Variants in GNAI1 observed in about 807,000 individuals in gnomAD.
GNAI1 encodes G protein subunit alpha i1, also known as guanine nucleotide-binding protein G(i) subunit alpha-1.
In GNAI1, 11 loss-of-function variants were observed where a neutral mutation model predicts 38.9. The observed-to-expected ratio is 0.28, with a 90% CI of 0.18 to 0.47. The LOEUF (loss-of-function observed/expected upper bound fraction) is 0.47. Among genes scored for constraint, GNAI1 ranks in the 20% least tolerant of loss-of-function variants. GNAI1 has a pLI of 0.99. For synonymous variants in GNAI1, 166 were observed against 145.1 expected, an observed-to-expected ratio of 1.14 and a Z score of -1.04; for missense variants, 317 against 436.9, an observed-to-expected ratio of 0.73 and a Z score of 2.45.
Position 80,199,244 on chromosome 7 carries a change from T to C in GNAI1, c.323T>C (p.Phe108Ser). 3 of 1,611,936 alleles carry C rather than the reference T, an allele frequency of 1.9e-6. No homozygotes were observed. The highest frequency in any genetic ancestry group is 2.5e-6 in the Non-Finnish European group (3 of 1,178,884). The stretch of plus-strand genomic sequence containing the variant: ...GTTCAGGATGATGCACGCCAACTCT[T>C]TGTGCTAGCTGGAGCTGCTGAAGAA... ...SARADDARQL[F>S]VLAGAAEEGF... The change falls in exon 4 of 8, where the codon TTT (phenylalanine) becomes TCT (serine). Residue 108 changes from phenylalanine (F) to serine (S), a missense_variant. Coordinates refer to ENST00000649796, the MANE Select transcript of GNAI1 (RefSeq NM_002069.6).
rs2115651349 is a variant in GNAI1, at chr7:80,194,161, T to A, written c.303+4930T>A. Among the ~76,000 whole-genome samples the A allele has an allele frequency of 2.0e-5, 3 of 152,194 alleles. No individual in the cohort carries two copies. In the South Asian group the frequency reaches 6.2e-4, roughly 32 times the overall value. The stretch of plus-strand genomic sequence containing the variant: ...ACTCTGGGCAGCCAAAATTTAGGAG[T>A]CTTGTATTTAAAAAATCTTTGCTAA... On this transcript the variant is annotated intron_variant, in intron 3 of 7. Coordinates refer to ENST00000649796, the MANE Select transcript of GNAI1 (RefSeq NM_002069.6).
At chr7:80,176,716 C>G (rs2115583769) in intron 1 of GNAI1, among the ~76,000 whole-genome samples, 1 of 152,072 alleles carries the variant, frequency 6.6e-6, no homozygotes, top group East Asian at 2.0e-4. Flanking sequence ...GCGGGCAGAT[C>G]ACCTGAGGTC....
rs57485323 is a variant in GNAI1, at chr7:80,219,027, T to TTGTGTGTGTGTGTGTGTGTGTGTGTGTG, written c.*1540_*1567dup. 2.1e-5 allele frequency: 3 copies of TTGTGTGTGTGTGTGTGTGTGTGTGTGTG among 145,836 alleles called. No homozygotes were observed. The highest frequency in any genetic ancestry group is 2.2e-4 in the South Asian group (1 of 4,478). 9.0% of individuals were successfully genotyped at this position (145,836 alleles called of 1,614,324 possible). ...GTGTTGTCACTGGGTTGAAGTATATTTGTGTGTGTGTGTGTGTGTGTGTGT... is the reference window on the plus strand; with the variant it reads ...GTGTTGTCACTGGGTTGAAGTATATTTGTGTGTGTGTGTGTGTGTGTGTGTGTGTGTGTGTGTGTGTGTGTGTGTGTGT... On this transcript the variant is annotated 3_prime_UTR_variant, in exon 8 of 8. Coordinates refer to ENST00000649796, the MANE Select transcript of GNAI1 (RefSeq NM_002069.6).
At chr7:80,167,643 A>G (rs1302725581) in intron 1 of GNAI1, among the ~76,000 whole-genome samples, 1 of 152,176 alleles carries the variant, frequency 6.6e-6, no homozygotes, top group Non-Finnish European at 1.5e-5. Context: ...CTCAGCCACA[A>G]CTGTGTCTTT....
intron 4 of GNAI1, 93 bp from the exon 5 acceptor site, chr7:80,203,611 C>T (rs764175799): frequency 1.4e-5 from 10 of 722,942 alleles, no homozygotes; most frequent in African/African-American, 1.9e-5. Context: ...TTCAGATTAT[C>T]GCTTGTATTG....
chr7:80,204,388 G>A (rs563271871), intron 5 of GNAI1, among the ~76,000 whole-genome samples: 6 of 152,162 alleles, frequency 3.9e-5, no homozygotes, highest in Admixed American at 6.5e-5. Flanking sequence ...GCACCGAATC[G>A]TAGTCTTTAG....
chr7:80,149,628 C>G (rs942076359), intron 1 of GNAI1, among the ~76,000 whole-genome samples: 1 of 152,034 alleles, frequency 6.6e-6, no homozygotes, highest in East Asian at 1.9e-4. Flanking sequence ...TTAATGTGCT[C>G]CATTTTGAGA....
intron 4 of GNAI1, among the ~76,000 whole-genome samples, chr7:80,200,206 C>A (rs1003709513): frequency 6.7e-6 from 1 of 150,064 alleles, no homozygotes; most frequent in African/African-American, 2.5e-5. Flanking sequence ...CACGTGTGGT[C>A]CCAGTTACTC....
chr7:80,219,109 T>C lies in GNAI1; in HGVS notation c.*1616T>C, dbSNP rs531078010. On this transcript the variant is annotated 3_prime_UTR_variant, in exon 8 of 8. Coordinates refer to ENST00000649796, the MANE Select transcript of GNAI1 (RefSeq NM_002069.6). ...GTTTCATTTGGAGGATTTTCTTCTT[T>C]GTAATGTAAAGAAATTCAAAGTTAT... 6.6e-6 allele frequency: 1 copy of C among 152,528 alleles called. No homozygotes were observed. The highest frequency in any genetic ancestry group is 2.4e-5 in the African/African-American group (1 of 41,520). The allele number at this position is 152,528 out of a possible 1,614,324, so 9.4% of individuals were successfully genotyped here.
chr7:80,197,068 C>T (rs1788590315), intron 3 of GNAI1, among the ~76,000 whole-genome samples: 1 of 151,562 alleles, frequency 6.6e-6, no homozygotes, highest in Non-Finnish European at 1.5e-5. Flanking sequence ...TTCAATATGT[C>T]TCTCTATTTT....
rs1011689268 is a variant in GNAI1, at chr7:80,222,127, C to T, written c.*4634C>T. 2.9e-4 allele frequency among the ~76,000 whole-genome samples: 43 copies of T among 150,412 alleles called. No individual in the cohort carries two copies. Among genetic ancestry groups the T allele is most frequent in the African/African-American group, 1.0e-3 (43 of 41,222 alleles). Reference sequence around the variant, plus strand: ...GATTTTGTAGTTACTTTAAAAGTTACGAAATTTCACATTTCATCAAGTCCA... The same window carrying T: ...GATTTTGTAGTTACTTTAAAAGTTATGAAATTTCACATTTCATCAAGTCCA... On this transcript the variant is annotated 3_prime_UTR_variant, in exon 8 of 8. Transcript: ENST00000649796.
chr7:80,192,901 G>T (rs1788507230), intron 3 of GNAI1, among the ~76,000 whole-genome samples: 1 of 151,932 alleles, frequency 6.6e-6, no homozygotes, highest in Non-Finnish European at 1.5e-5. Flanking sequence ...GTTTCACCTT[G>T]TTGGCCAGGC....
chr7:80,141,251 C>G (rs541127785), intron 1 of GNAI1, among the ~76,000 whole-genome samples: 11 of 152,190 alleles, frequency 7.2e-5, no homozygotes, highest in Non-Finnish European at 1.6e-4. Context: ...TGCATTCACC[C>G]TCTCCCAACA....
In GNAI1 at chr7:80,189,176, C is replaced by G; in HGVS notation, c.248C>G (p.Ala83Gly). The G allele has an allele frequency of 1.2e-6, 2 of 1,606,438 alleles. No homozygotes were observed. Among genetic ancestry groups the G allele is most frequent in the Non-Finnish European group, 1.7e-6 (2 of 1,177,514 alleles). The change falls in exon 3 of 8, where the codon GCT becomes GGT. Residue 83 changes from alanine to glycine, a missense_variant. Transcript: ENST00000649796. ...VYSNTIQSII[A>G]IIRAMGRLKI... ...AGTAACACCATCCAGTCAATTATTG[C>G]TATCATTAGGGCTATGGGGAGGTTG... is the stretch of plus-strand genomic sequence containing the variant.
At chr7:80,174,006 G>A (rs555258967) in intron 1 of GNAI1, among the ~76,000 whole-genome samples, 2 of 152,246 alleles carry the variant, frequency 1.3e-5, no homozygotes, top group East Asian at 1.9e-4. Context: ...GGGAGAAAAT[G>A]TGGGGAAGGA....
chr7:80,138,019 C>T (rs1422779831), intron 1 of GNAI1, among the ~76,000 whole-genome samples: 1 of 152,128 alleles, frequency 6.6e-6, no homozygotes, highest in African/African-American at 2.4e-5. Flanking sequence ...CCATGTAAAA[C>T]ACGGCAGTAG....
intron 1 of GNAI1, among the ~76,000 whole-genome samples, chr7:80,151,324 A>T (rs1315396222): frequency 6.6e-6 from 1 of 152,154 alleles, no homozygotes; most frequent in Non-Finnish European, 1.5e-5. Flanking sequence ...GTATTGCAAA[A>T]TCACTTCAAT....
At chr7:80,185,989 T>A (rs552935249) in intron 1 of GNAI1, among the ~76,000 whole-genome samples, 1 of 150,768 alleles carries the variant, frequency 6.6e-6, no homozygotes, top group African/African-American at 2.4e-5. Flanking sequence ...GTAAAGAAAG[T>A]ACAAATCCAG....
chr7:80,189,285 A>AT, intron 3 of GNAI1, 54 bp downstream of exon 3: 1 of 1,434,444 alleles, frequency 7.0e-7, no homozygotes, highest in South Asian at 1.2e-5. Flanking sequence ...AATAACTTGT[A>AT]TGCTAATACC....
Sources: gnomAD v4.1 joint callset for allele counts (sites outside exome capture counted in the v4.1 genomes callset) on GRCh38, gnomAD v4.1.1 for gene constraint, MANE v1.5 for transcripts, NCBI Gene and HGNC (gene_info 2026-07-23, HGNC 2026-07-21) for gene names.